NEBL: variants seen among roughly 807,000 people sequenced by gnomAD.
NEBL encodes nebulette.
In NEBL, 122 loss-of-function variants were observed where a neutral mutation model predicts 140.2. That is an observed-to-expected ratio of 0.87 (90% CI 0.75 to 1.01). NEBL has a LOEUF of 1.01. NEBL is among the 50% of genes least tolerant of loss of function. NEBL has a pLI of 0.00. For synonymous variants in NEBL, 436 were observed against 398.9 expected, an observed-to-expected ratio of 1.09 and a Z score of -1.11; for missense variants, 1,365 against 1,231.3, an observed-to-expected ratio of 1.11 and a Z score of -1.62.
chr10:21,008,022 T>C (rs1838202765), intron 3 of NEBL, among the ~76,000 whole-genome samples: 1 of 152,198 alleles, frequency 6.6e-6, no homozygotes, highest in Non-Finnish European at 1.5e-5. Context: ...TACTTAGCCA[T>C]TCATAACAAA....
intron 4 of NEBL, among the ~76,000 whole-genome samples, chr10:20,952,334 G>C (rs188682263): frequency 6.6e-6 from 1 of 151,616 alleles, no homozygotes; most frequent in African/African-American, 2.4e-5. Context: ...CTACTAGGGA[G>C]GCTGAGGCAG....
intron 2 of NEBL, among the ~76,000 whole-genome samples, chr10:21,140,934 T>A (rs1839600532): frequency 6.6e-6 from 1 of 151,802 alleles, no homozygotes; most frequent in South Asian, 2.1e-4. Flanking sequence ...GTTCTGCACA[T>A]GTTTCCCAGA....
At chr10:21,085,437 C>G (rs772263501) in intron 2 of NEBL, among the ~76,000 whole-genome samples, 2 of 152,046 alleles carry the variant, frequency 1.3e-5, no homozygotes, top group African/African-American at 2.4e-5. Flanking sequence ...GTCTGGGCAA[C>G]AAAATGAGAA....
At position 20,838,362 on chromosome 10, in the gene NEBL, G is replaced by A. The variant is rs370814791; in HGVS notation, c.1338+2377C>T. Among the ~76,000 whole-genome samples the A allele has an allele frequency of 7.2e-5, 11 of 152,198 alleles. No homozygotes were observed. In the East Asian group the frequency reaches 1.3e-3, roughly 19 times the overall value. On this transcript the variant is annotated intron_variant, in intron 13 of 27. Coordinates refer to ENST00000377122, the MANE Select transcript of NEBL (RefSeq NM_006393.3). ...AGCAACTGCAGATGCAGTGGAAATA[G>A]CAAGAGAACTAGAATTAGAAGTGGA...
At chr10:21,128,282 A>G (rs764390402) in intron 2 of NEBL, among the ~76,000 whole-genome samples, 3 of 152,196 alleles carry the variant, frequency 2.0e-5, no homozygotes, top group African/African-American at 7.2e-5. Flanking sequence ...ACAAAAACAA[A>G]TCAACAGGAT....
chr10:21,227,723 CTTCTTCTTCTT>C (rs1842183132), intron 3 of NEBL, among the ~76,000 whole-genome samples: 1 of 98,022 alleles, frequency 1.0e-5, no homozygotes, highest in African/African-American at 4.0e-5. Context: ...TCTTCTTCTT[CTTCTTCTTCTT>C]CTTCTTCTTC....
At chr10:20,818,017 G>A (rs903088174) in intron 20 of NEBL, among the ~76,000 whole-genome samples, 8 of 152,132 alleles carry the variant, frequency 5.3e-5, no homozygotes, top group African/African-American at 1.4e-4. Context: ...CATTACAAGA[G>A]AACTCTTGTG....
At chr10:21,283,658 C>G (rs965579551) in intron 1 of NEBL, among the ~76,000 whole-genome samples, 2 of 151,918 alleles carry the variant, frequency 1.3e-5, no homozygotes, top group Non-Finnish European at 1.5e-5. Flanking sequence ...GGAATAAGAC[C>G]CCTCAATCAA....
chr10:20,917,068 A>G (rs1458809158), intron 4 of NEBL, among the ~76,000 whole-genome samples: 4 of 152,198 alleles, frequency 2.6e-5, no homozygotes, highest in Non-Finnish European at 5.9e-5. Flanking sequence ...TGTGCATTAA[A>G]TTATAACCCT....
At chr10:21,172,271 C>A (rs1414989340) in intron 2 of NEBL, 3 of 818,020 alleles carry the variant, frequency 3.7e-6, no homozygotes, top group Admixed American at 1.9e-5. Flanking sequence ...AGGTAACTGG[C>A]CCCTGCCACA....
At chr10:21,044,328 C>T (rs56125221) in intron 2 of NEBL, among the ~76,000 whole-genome samples, 21,938 of 132,592 alleles carry the variant, frequency 0.17, 1,707 homozygotes, top group East Asian at 0.3. Flanking sequence ...ACCCGGGAGG[C>T]GGAGGTTGAA....
At chr10:21,035,268 GATTAC>G (rs1833967387) in intron 2 of NEBL, among the ~76,000 whole-genome samples, 1 of 152,140 alleles carries the variant, frequency 6.6e-6, no homozygotes, top group Admixed American at 6.6e-5. Context: ...AAAGTGCTGG[GATTAC>G]AGGCATAAGC....
chr10:21,173,005 G>T lies in NEBL; in HGVS notation c.70-528C>A, dbSNP rs1265163133. Among the ~76,000 whole-genome samples, 1 of 152,186 alleles carries T rather than the reference G, an allele frequency of 6.6e-6. No homozygotes were observed. Among genetic ancestry groups the T allele is most frequent in the Admixed American group, 6.5e-5 (1 of 15,282 alleles). On this transcript the variant is annotated intron_variant, in intron 1 of 6. Coordinates refer to the NEBL transcript ENST00000417816. The surrounding 1 kb of genome is among the most constrained non-coding windows in gnomAD (Gnocchi z 5.7). ...GGGATGACTGTCAGGATGGCAGCTT[G>T]TTCTAAGGAAGCATTTGTATCTTCA...
At chr10:21,179,719 T>G (rs1306951249), upstream of NEBL, among the ~76,000 whole-genome samples, 1 of 137,592 alleles carries the variant, frequency 7.3e-6, no homozygotes. Context: ...GGGAAAGAGA[T>G]GTGACAAAAA....
chr10:21,029,917 G>C (rs1258793596), intron 2 of NEBL: 3 of 607,802 alleles, frequency 4.9e-6, no homozygotes, highest in African/African-American at 3.7e-5. Flanking sequence ...CAACAGATGG[G>C]ATGATGGGTC....
chr10:21,271,526 CTTT>C (rs541717448), intron 1 of NEBL, among the ~76,000 whole-genome samples: 1 of 141,038 alleles, frequency 7.1e-6, no homozygotes, highest in Admixed American at 7.2e-5. Flanking sequence ...GTAAACAGAT[CTTT>C]TTTTTTTTTT....
At chr10:20,834,438 A>G (rs1012482169) in intron 14 of NEBL, among the ~76,000 whole-genome samples, 3 of 152,236 alleles carry the variant, frequency 2.0e-5, no homozygotes, top group Admixed American at 1.3e-4. Flanking sequence ...CAGGAAACCT[A>G]TACCATCTCC....
intron 1 of NEBL, among the ~76,000 whole-genome samples, chr10:21,263,408 G>GGTTGAGATCAAGAGGTGACT (rs1842763416): frequency 6.6e-6 from 1 of 152,074 alleles, no homozygotes; most frequent in Admixed American, 6.6e-5. Flanking sequence ...GGGGGCGGGG[G>GGTTGAGATCAAGAGGTGACT]GTTGAGATCA....
At chr10:20,804,804 C>T (rs189017550) in intron 26 of NEBL, among the ~76,000 whole-genome samples, 6 of 152,140 alleles carry the variant, frequency 3.9e-5, no homozygotes, top group East Asian at 1.9e-4. Context: ...GGGTCTTGTA[C>T]GCAATGATGA....
Sources: gnomAD v4.1 joint callset for allele counts (sites outside exome capture counted in the v4.1 genomes callset) on GRCh38, gnomAD v4.1.1 for gene constraint, Gnocchi (gnomAD v3.1) non-coding constraint, MANE v1.5 for transcripts, NCBI Gene and HGNC (gene_info 2026-07-23, HGNC 2026-07-21) for gene names.